DCC: variants seen among roughly 807,000 people sequenced by gnomAD.
The protein encoded by DCC is DCC netrin 1 receptor.
In DCC, 58 loss-of-function variants were observed where a neutral mutation model predicts 172.5. That is an observed-to-expected ratio of 0.34 (90% CI 0.27 to 0.42). The LOEUF is 0.42. DCC is among the 10% of genes least tolerant of loss of function. DCC has a pLI of 1.00. For synonymous variants in DCC, 709 were observed against 644.5 expected (o/e 1.10, Z -1.52); for missense variants, 1,740 against 1,791.0 (o/e 0.97, Z 0.51).
intron 2 of DCC, among the ~76,000 whole-genome samples, chr18:52,868,949 T>C (rs34089681): frequency 0.41 from 62,610 of 152,056 alleles, 13,411 homozygotes; most frequent in Middle Eastern, 0.49. Flanking sequence ...CCACAGGCAG[T>C]TTCCCCAGCT....
chr18:53,518,664 A>G (rs2046366290), intron 27 of DCC, among the ~76,000 whole-genome samples: 1 of 152,116 alleles, frequency 6.6e-6, no homozygotes, highest in Non-Finnish European at 1.5e-5. Flanking sequence ...ATAACACTAA[A>G]ACCAAAGCGA....
Position 53,081,719 on chromosome 18 carries a change from A to G in DCC, c.1261+15553A>G, listed in dbSNP as rs148314515. Among the ~76,000 whole-genome samples the G allele has an allele frequency of 5.2e-3, 796 of 152,114 alleles. 2 individuals carry two copies. The highest frequency in any genetic ancestry group is 8.4e-3 in the Non-Finnish European group (572 of 67,966). ...TTGTAAGCAGGCCCCCGCTTTTTCT[A>G]TCTCGGGTGGCCAAATTATGTGTAA... On this transcript the variant is annotated intron_variant, in intron 7 of 28. Coordinates refer to ENST00000442544, the MANE Select transcript of DCC (RefSeq NM_005215.4).
intron 5 of DCC, among the ~76,000 whole-genome samples, chr18:52,970,498 G>T (rs868159184): frequency 1.3e-5 from 2 of 152,050 alleles, no homozygotes; most frequent in Non-Finnish European, 2.9e-5. Context: ...ACTCTCCAGT[G>T]ATTTTAAGTA....
At chr18:53,023,330 G>C (rs2041907719) in intron 5 of DCC, among the ~76,000 whole-genome samples, 1 of 120,602 alleles carries the variant, frequency 8.3e-6, no homozygotes, top group Non-Finnish European at 1.7e-5. Flanking sequence ...AAAACTTAGA[G>C]TATAATAAAA....
At chr18:52,599,710 C>T (rs537233037) in intron 1 of DCC, among the ~76,000 whole-genome samples, 1 of 152,148 alleles carries the variant, frequency 6.6e-6, no homozygotes, top group South Asian at 2.1e-4. Flanking sequence ...GATGGGGTTT[C>T]ACCATGTTGG....
intron 7 of DCC, among the ~76,000 whole-genome samples, chr18:53,152,704 T>C (rs1427532879): frequency 6.6e-6 from 1 of 152,152 alleles, no homozygotes; most frequent in Admixed American, 6.5e-5. Context: ...AGACTGGAGA[T>C]TAGGCCTCCA....
rs1943125 is a variant in DCC at position 52,921,992 on chromosome 18, G to A, written c.698-1715G>A. Among the ~76,000 whole-genome samples, 12 of 151,764 alleles carry A rather than the reference G, an allele frequency of 7.9e-5. No homozygotes were observed. The South Asian group carries it at 1.0e-3, about 13-fold the overall frequency. ...GTAAATATATATTTTGGGAACTTTC[G>A]TGTTCAGGAAATTTATTATTAAGCA... On this transcript the variant is annotated intron_variant, in intron 3 of 28. Coordinates refer to ENST00000442544, the MANE Select transcript of DCC (RefSeq NM_005215.4).
intron 2 of DCC, among the ~76,000 whole-genome samples, chr18:52,773,294 A>G (rs1267890704): frequency 2.6e-5 from 4 of 152,186 alleles, no homozygotes; most frequent in Non-Finnish European, 5.9e-5. Flanking sequence ...CATGATGAAC[A>G]CATTACAACA....
intron 5 of DCC, among the ~76,000 whole-genome samples, chr18:53,019,072 A>T (rs966243211): frequency 6.6e-6 from 1 of 152,160 alleles, no homozygotes; most frequent in Non-Finnish European, 1.5e-5. Flanking sequence ...CAGTGGTTAA[A>T]ATTGGCCGCT....
intron 26 of DCC, among the ~76,000 whole-genome samples, chr18:53,497,308 T>C (rs1033226938): frequency 1.3e-5 from 2 of 152,260 alleles, no homozygotes; most frequent in African/African-American, 4.8e-5. Context: ...CCAACGATTA[T>C]CTTGAGAATC....
At chr18:53,302,010 T>C (rs569198951) in intron 12 of DCC, among the ~76,000 whole-genome samples, 2 of 152,328 alleles carry the variant, frequency 1.3e-5, no homozygotes, top group East Asian at 3.9e-4. Flanking sequence ...TGGTTTCTTC[T>C]GAGGCCTCGC....
At position 52,759,150 on chromosome 18, in the gene DCC, G is replaced by A. The variant is rs569502788; in HGVS notation, c.412+6776G>A. The A allele has an allele frequency of 2.0e-5, 3 of 152,146 alleles. No individual in the cohort carries two copies. In the South Asian group the frequency reaches 6.2e-4, roughly 32 times the overall value. The allele number at this position is 152,146 out of a possible 1,614,324, so 9.4% of individuals were successfully genotyped here. On this transcript the variant is annotated intron_variant, in intron 2 of 28. Transcript: ENST00000442544. ...TTTAATTTTATTGCTAAATCAAATTGAGATACAGCCATCACCAATATTTCC... is the reference window on the plus strand; with the variant it reads ...TTTAATTTTATTGCTAAATCAAATTAAGATACAGCCATCACCAATATTTCC...
At chr18:52,625,728 C>T (rs1277155445) in intron 1 of DCC, among the ~76,000 whole-genome samples, 3 of 152,146 alleles carry the variant, frequency 2.0e-5, no homozygotes, top group Non-Finnish European at 4.4e-5. Flanking sequence ...GTCTCTATTT[C>T]TTCATTTCCC....
At chr18:52,733,877 T>C (rs1056141618) in intron 1 of DCC, among the ~76,000 whole-genome samples, 3 of 152,148 alleles carry the variant, frequency 2.0e-5, no homozygotes, top group African/African-American at 4.8e-5. Flanking sequence ...CATGATTCTC[T>C]GTAATTCAAA....
intron 14 of DCC, among the ~76,000 whole-genome samples, chr18:53,327,600 C>T (rs953090567): frequency 1.3e-5 from 2 of 151,974 alleles, no homozygotes; most frequent in African/African-American, 4.8e-5. Context: ...AGTGATGCAG[C>T]AAAAAAATGT....
chr18:53,506,495 G>A (rs1035325152), intron 27 of DCC, among the ~76,000 whole-genome samples: 6 of 152,110 alleles, frequency 3.9e-5, no homozygotes, highest in African/African-American at 1.4e-4. Context: ...AAATTCAGTG[G>A]TTTATTTTTA....
At chr18:53,200,731 C>G (rs1464520529) in intron 9 of DCC, among the ~76,000 whole-genome samples, 3 of 152,060 alleles carry the variant, frequency 2.0e-5, no homozygotes, top group Non-Finnish European at 2.9e-5. Context: ...CCAGAAGTTT[C>G]CAAGCCTCAA....
chr18:52,578,171 C>T (rs2033459392), intron 1 of DCC, among the ~76,000 whole-genome samples: 1 of 152,196 alleles, frequency 6.6e-6, no homozygotes. Context: ...GCCATCCACC[C>T]ATGTCCAGAT....
At chr18:52,909,646 T>A (rs1420927622) in intron 3 of DCC, among the ~76,000 whole-genome samples, 1 of 152,190 alleles carries the variant, frequency 6.6e-6, no homozygotes, top group African/African-American at 2.4e-5. Context: ...AATTCAGAGT[T>A]TAACAAACAG....
Sources: allele counts gnomAD v4.1 joint callset (sites outside exome capture counted in the v4.1 genomes callset), GRCh38; gene constraint gnomAD v4.1.1; transcripts MANE v1.5; gene names NCBI Gene and HGNC (gene_info 2026-07-23, HGNC 2026-07-21).